BAP1: variants seen among roughly 807,000 people sequenced by gnomAD.
BAP1 encodes BRCA1 associated deubiquitinase 1.
A neutral mutation model predicts 77.2 loss-of-function variants in BAP1; 16 were observed. That is an observed-to-expected ratio of 0.21 (90% confidence interval 0.14 to 0.31). The LOEUF (loss-of-function observed/expected upper bound fraction) is 0.31. BAP1 is among the 10% of genes least tolerant of loss of function. The pLI, the probability that BAP1 is intolerant of heterozygous loss-of-function variation, is 1.00. For missense variants in BAP1, 699 were observed against 967.3 expected, an observed-to-expected ratio of 0.72 and a Z score of 3.68; for synonymous variants, 362 against 385.2, an observed-to-expected ratio of 0.94 and a Z score of 0.71.
rs766015462 is a variant in BAP1, at chr3:52,402,683, GAGA to G, written c.1984-12_1984-10del. On this transcript the variant is annotated splice_polypyrimidine_tract_variant and intron_variant, in intron 15 of 16. Transcript: ENST00000460680. The surrounding 1 kb of genome is among the most constrained non-coding windows in gnomAD (Gnocchi z 5.3). ...CTTCTCTGGTCATCAATCTGTAGGA[GAGA>G]AGAAGACTGAGAGCACTGGAGCCAA... The G allele has an allele frequency of 5.6e-6, 9 of 1,614,170 alleles. No homozygotes were observed. Among genetic ancestry groups the G allele is most frequent in the Non-Finnish European group, 5.9e-6 (7 of 1,179,994 alleles).
intron 3 of BAP1, among the ~76,000 whole-genome samples, 167 bp from the exon 4 acceptor site, chr3:52,408,773 T>C (rs1705249727): frequency 6.6e-6 from 1 of 152,222 alleles, no homozygotes; most frequent in Admixed American, 6.5e-5. Context: ...AGTGGCCTTG[T>C]GCCCTCACAC....
Position 52,403,039 on chromosome 3 carries a change from C to T in BAP1, c.1890+99G>A. 1 of 1,599,018 alleles carries T rather than the reference C, an allele frequency of 6.3e-7. No homozygotes were observed. Among genetic ancestry groups the T allele is most frequent in the South Asian group, 1.1e-5 (1 of 90,438 alleles). ...GCACATGGCTCCAGCCACCAATCTTCACACCAAAGTTCCAATCAAGAACTT... is the reference window on the plus strand; with the variant it reads ...GCACATGGCTCCAGCCACCAATCTTTACACCAAAGTTCCAATCAAGAACTT... On this transcript the variant is annotated intron_variant, in intron 14 of 16. Coordinates refer to ENST00000460680, the MANE Select transcript of BAP1 (RefSeq NM_004656.4). This position sits in a 1 kb window ranked among gnomAD's most constrained non-coding sequence, Gnocchi z 4.0.
intron 3 of BAP1, among the ~76,000 whole-genome samples, chr3:52,408,925 G>C (rs1206376131): frequency 6.6e-6 from 1 of 152,232 alleles, no homozygotes; most frequent in African/African-American, 2.4e-5. Context: ...GGACAGGGTA[G>C]GAACACAAAG....
Position 52,406,506 on chromosome 3 carries a change from A to G in BAP1, c.660-130T>C. The G allele has an allele frequency of 1.4e-6, 2 of 1,411,194 alleles. No individual in the cohort carries two copies. Among genetic ancestry groups the G allele is most frequent in the Non-Finnish European group, 1.9e-6 (2 of 1,031,002 alleles). The allele number at this position is 1,411,194 out of a possible 1,614,324, so 87.4% of individuals were successfully genotyped here. A position where few individuals can be genotyped will look rare whatever the true frequency, so the allele number is the denominator to read the frequency against. On this transcript the variant is annotated intron_variant, in intron 8 of 16. Transcript: ENST00000460680. The surrounding 1 kb of genome is among the most constrained non-coding windows in gnomAD (Gnocchi z 4.6). The stretch of plus-strand genomic sequence containing the variant: ...AGGTATAGGCCCCACCCCAACAGGC[A>G]GGCAGCGACTAGCCATACATGCCAG...
At chr3:52,409,433 G>C in intron 3 of BAP1, 121 bp downstream of exon 3, 1 of 1,338,026 alleles carries the variant, frequency 7.5e-7, no homozygotes, top group Non-Finnish European at 1.1e-6. Context: ...CAAGGCTGCT[G>C]CTTTCTGTGA....
chr3:52,401,935 C>T lies in BAP1; in HGVS notation c.*353G>A. ...GTAGGAACTTATGTCAACATGGTGG[C>T]ATGTTGGGTTGGAGCCCAGAAAAAT... On this transcript the variant is annotated 3_prime_UTR_variant, in exon 17 of 17. Transcript: ENST00000460680. The T allele has an allele frequency of 2.3e-6, 1 of 427,658 alleles. No individual in the cohort carries two copies. Among genetic ancestry groups the T allele is most frequent in the Non-Finnish European group, 4.3e-6 (1 of 232,736 alleles). The allele number at this position is 427,658 out of a possible 1,614,324, so 26.5% of individuals were successfully genotyped here. A position where few individuals can be genotyped will look rare whatever the true frequency, so the allele number is the denominator to read the frequency against.
chr3:52,405,667 G>A, intron 10 of BAP1, 98 bp downstream of exon 10: 2 of 1,539,000 alleles, frequency 1.3e-6, no homozygotes, highest in East Asian at 2.4e-5. Flanking sequence ...CACTGCCCAA[G>A]GACATCCCCA....
intron 4 of BAP1, 84 bp from the exon 5 acceptor site, chr3:52,408,161 A>G: frequency 6.5e-7 from 1 of 1,550,164 alleles, no homozygotes; most frequent in South Asian, 1.2e-5. Context: ...GGGGATCCAG[A>G]GCAGGTCAGT....
intron 3 of BAP1, 117 bp from the exon 4 acceptor site, chr3:52,408,723 T>TC (rs912044602): frequency 1.0e-5 from 13 of 1,283,810 alleles, no homozygotes; most frequent in Non-Finnish European, 1.3e-5. Flanking sequence ...CTTGCTGTGA[T>TC]CCCCCCTCTC....
rs558581070 is a variant in BAP1, at chr3:52,408,519, G to A, written c.210C>T (p.Ser70=). ...RKVSTLVDDT[S]VIDDDIVNNM... ...TATTCACAATATCATCATCAATCAC[G>A]GACGTATCATCCACCAAGGTAGAGA... Residue 70 remains serine (S), a synonymous_variant, in exon 4 of 17, where the codon TCC becomes TCT. Transcript: ENST00000460680. 37 of 1,611,956 alleles carry A rather than the reference G, an allele frequency of 2.3e-5. No homozygotes were observed. The highest frequency in any genetic ancestry group is 5.5e-5 in the South Asian group (5 of 90,494).
In BAP1 at chr3:52,406,241, A is replaced by C. The variant is rs749694454; in HGVS notation, c.783+12T>G. The stretch of plus-strand genomic sequence containing the variant: ...TTGGGCTGGGCAGAGGCCAGGAAGA[A>C]AGGGCACCTACCTGCTGCAGAGCCT... On this transcript the variant is annotated intron_variant, in intron 9 of 16. Transcript: ENST00000460680. This position sits in a 1 kb window ranked among gnomAD's most constrained non-coding sequence, Gnocchi z 4.6. 19 of 1,613,968 alleles carry C rather than the reference A, an allele frequency of 1.2e-5. No individual in the cohort carries two copies. Among genetic ancestry groups the C allele is most frequent in the Admixed American group, 1.7e-5 (1 of 60,006 alleles).
In BAP1 at chr3:52,405,776, C is replaced by T. The variant is rs1705135897; in HGVS notation, c.920G>A (p.Gly307Asp). 1 of 1,613,204 alleles carries T rather than the reference C, an allele frequency of 6.2e-7. No individual in the cohort carries two copies. Among genetic ancestry groups the T allele is most frequent in the Non-Finnish European group, 8.5e-7 (1 of 1,180,014 alleles). ...EANRAPAASE[G>D]NHTDGAEEAA... The stretch of plus-strand genomic sequence containing the variant: ...AAACCCCCCAGTACCTGTGTGGTTG[C>T]CCTCAGAGGCTGCAGGGGCCCTGTT... The change falls in exon 10 of 17, where the codon GGC becomes GAC. Residue 307 changes from glycine (G) to aspartate (D), a missense_variant. This residue lies in a region of BAP1 where 475 missense variants were observed against 532.4 expected (regional missense o/e 0.89). Coordinates refer to ENST00000460680, the MANE Select transcript of BAP1 (RefSeq NM_004656.4).
chr3:52,409,665 AG>A (rs35383402), intron 2 of BAP1, 48 bp downstream of exon 2: 4 of 1,613,908 alleles, frequency 2.5e-6, no homozygotes, highest in Non-Finnish European at 1.7e-6. Flanking sequence ...GTGAGGGCGC[AG>A]GGGTGGGCCG....
intron 2 of BAP1, 45 bp from the exon 3 acceptor site, chr3:52,409,653 G>A (rs1226811066): frequency 6.2e-7 from 1 of 1,614,070 alleles, no homozygotes; most frequent in East Asian, 2.2e-5. Context: ...AGCCCCTGAT[G>A]AGTGAGGGCG....
chr3:52,405,164 G>C lies in BAP1; in HGVS notation c.1062C>G (p.Val354=), dbSNP rs1705107435. The change falls in exon 11 of 17, where the codon GTC becomes GTG. Residue 354 remains valine, a synonymous_variant. Transcript: ENST00000460680. ...NGVHPNPTPI[V]QRLPAFLDNH... is the part of the protein sequence containing the mutation. ...TGTCTAGAAAGGCCGGCAGCCGCTG[G>C]ACAATGGGAGTGGGGTTGGGGTGAA... 1.2e-6 allele frequency: 2 copies of C among 1,614,188 alleles called. No homozygotes were observed. Among genetic ancestry groups the C allele is most frequent in the South Asian group, 2.2e-5 (2 of 91,090 alleles).
rs2153228642 is a variant in BAP1 at position 52,409,750 on chromosome 3, G to A, written c.38-7C>T. On this transcript the variant is annotated splice_polypyrimidine_tract_variant and splice_region_variant and intron_variant, in intron 1 of 16. Coordinates refer to ENST00000460680, the MANE Select transcript of BAP1 (RefSeq NM_004656.4). Reference sequence around the variant, plus strand: ...ACGAGCAGGGTGAAGAGGCCTGGGTGGGGCGACAAGAGGAGGGGGTGATGG... The same window carrying A: ...ACGAGCAGGGTGAAGAGGCCTGGGTAGGGCGACAAGAGGAGGGGGTGATGG... The A allele has an allele frequency of 5.0e-6, 8 of 1,613,832 alleles. No individual in the cohort carries two copies. Among genetic ancestry groups the A allele is most frequent in the Non-Finnish European group, 6.8e-6 (8 of 1,179,920 alleles).
Position 52,402,062 on chromosome 3 carries a change from G to T in BAP1, c.*226C>A. The T allele has an allele frequency of 1.4e-6, 1 of 732,372 alleles. No homozygotes were observed. Among genetic ancestry groups the T allele is most frequent in the Non-Finnish European group, 2.2e-6 (1 of 458,020 alleles). The allele number at this position is 732,372 out of a possible 1,614,324, so 45.4% of individuals were successfully genotyped here. On this transcript the variant is annotated 3_prime_UTR_variant, in exon 17 of 17. Coordinates refer to ENST00000460680, the MANE Select transcript of BAP1 (RefSeq NM_004656.4). This position sits in a 1 kb window ranked among gnomAD's most constrained non-coding sequence, Gnocchi z 5.3. ...GTGGAGGAAGCTGCAGTACCTCGCTGTGCCCCAACTCCAGATGCTGCCTCC... is the reference window on the plus strand; with the variant it reads ...GTGGAGGAAGCTGCAGTACCTCGCTTTGCCCCAACTCCAGATGCTGCCTCC...
At chr3:52,408,266 G>A (rs1225026698) in intron 4 of BAP1, among the ~76,000 whole-genome samples, 189 bp from the exon 5 acceptor site, 1 of 152,172 alleles carries the variant, frequency 6.6e-6, no homozygotes, top group African/African-American at 2.4e-5. Context: ...GGATATCTGA[G>A]GACACAGAGA....
intron 2 of BAP1, 39 bp from the exon 3 acceptor site, chr3:52,409,647 C>T (rs2153228572): frequency 6.2e-7 from 1 of 1,614,190 alleles, no homozygotes; most frequent in Non-Finnish European, 8.5e-7. Flanking sequence ...AAGGACAGCC[C>T]CTGATGAGTG....
Sources: gnomAD v4.1 joint callset for allele counts (sites outside exome capture counted in the v4.1 genomes callset) on GRCh38, gnomAD v4.1.1 for gene constraint, gnomAD v4.1.1 regional missense constraint, Gnocchi (gnomAD v3.1) non-coding constraint, MANE v1.5 for transcripts, NCBI Gene and HGNC (gene_info 2026-07-23, HGNC 2026-07-21) for gene names.